Variants in SGCZ observed in about 807,000 individuals in gnomAD.
SGCZ encodes zeta-sarcoglycan.
In SGCZ, 40 loss-of-function variants were observed where a neutral mutation model predicts 41.3. The observed-to-expected ratio is 0.97, with a 90% CI of 0.75 to 1.26. The LOEUF (loss-of-function observed/expected upper bound fraction) is 1.26, where lower values mean the gene tolerates loss of function less well. Among genes scored for constraint, SGCZ ranks in the 50% most tolerant of loss-of-function variants. The probability of loss-of-function intolerance (pLI) is 0.00; values close to 1 mark genes in which losing one functional copy is unlikely to be tolerated. For missense variants in SGCZ, 552 were observed against 369.8 expected, an observed-to-expected ratio of 1.49 and a Z score of -4.04; for synonymous variants, 206 against 137.5, an observed-to-expected ratio of 1.50 and a Z score of -3.49.
At position 14,175,124 on chromosome 8, in the gene SGCZ, A is replaced by G. The variant is rs139162460; in HGVS notation, c.425-10422T>C. 4.4e-3 allele frequency among the ~76,000 whole-genome samples: 673 copies of G among 152,240 alleles called. 12 individuals are homozygous for G. Among genetic ancestry groups the G allele is most frequent in the Non-Finnish European group, 2.3e-3 (155 of 67,998 alleles). The stretch of plus-strand genomic sequence containing the variant: ...GAGGGGCATATCATTCAACCTATAA[A>G]ATGTGTCTTCAATGCCCTAGAAGAA... On this transcript the variant is annotated intron_variant, in intron 4 of 7. Transcript: ENST00000382080.
At chr8:14,686,594 T>C (rs960904193) in intron 1 of SGCZ, among the ~76,000 whole-genome samples, 2 of 152,060 alleles carry the variant, frequency 1.3e-5, no homozygotes, top group African/African-American at 4.8e-5. Flanking sequence ...GGTTTTCAGC[T>C]TCTGGAGATC....
intron 1 of SGCZ, among the ~76,000 whole-genome samples, chr8:14,846,976 G>A (rs565652594): frequency 1.3e-5 from 2 of 152,178 alleles, no homozygotes; most frequent in East Asian, 3.9e-4. Flanking sequence ...GGAGGCTGAG[G>A]CAGGAGAATT....
chr8:14,226,113 T>A (rs4480121), intron 4 of SGCZ, among the ~76,000 whole-genome samples: 5 of 151,696 alleles, frequency 3.3e-5, no homozygotes, highest in African/African-American at 1.2e-4. Context: ...GCATACAGGA[T>A]AAATTCCCCA....
At chr8:14,713,524 T>C (rs987435074) in intron 1 of SGCZ, among the ~76,000 whole-genome samples, 1 of 152,134 alleles carries the variant, frequency 6.6e-6, no homozygotes, top group Non-Finnish European at 1.5e-5. Flanking sequence ...ACTTTACACG[T>C]GTTGCTAAAT....
intron 3 of SGCZ, among the ~76,000 whole-genome samples, chr8:14,250,575 C>T (rs1197126008): frequency 1.3e-5 from 2 of 152,158 alleles, no homozygotes; most frequent in Admixed American, 1.3e-4. Context: ...TGGAACCACA[C>T]ATGAAAAGAA....
chr8:14,391,159 T>C (rs1480158662), intron 2 of SGCZ, among the ~76,000 whole-genome samples: 2 of 152,132 alleles, frequency 1.3e-5, no homozygotes, highest in East Asian at 3.9e-4. Context: ...GAAAATGGAT[T>C]GATGTAATGC....
intron 4 of SGCZ, among the ~76,000 whole-genome samples, chr8:14,186,765 T>A (rs1804915947): frequency 6.6e-6 from 1 of 152,206 alleles, no homozygotes; most frequent in South Asian, 2.1e-4. Flanking sequence ...AAGTACTTTA[T>A]AAAATAATGT....
chr8:14,569,977 A>G (rs894664272), intron 1 of SGCZ, among the ~76,000 whole-genome samples: 1 of 150,926 alleles, frequency 6.6e-6, no homozygotes, highest in Admixed American at 6.6e-5. Context: ...CAGCCCTACC[A>G]TGACAACTTC....
chr8:14,540,177 T>G (rs144173735), intron 2 of SGCZ, among the ~76,000 whole-genome samples: 1 of 151,462 alleles, frequency 6.6e-6, no homozygotes, highest in African/African-American at 2.4e-5. Flanking sequence ...AGATTGGTGC[T>G]ATATTTTTAC....
rs1372063466 is a variant in SGCZ, at chr8:14,087,636, A to G, written c.*2807T>C. Among the ~76,000 whole-genome samples, 1 of 151,692 alleles carries G rather than the reference A, an allele frequency of 6.6e-6. No homozygotes were observed. Among genetic ancestry groups the G allele is most frequent in the Non-Finnish European group, 1.5e-5 (1 of 67,770 alleles). The stretch of plus-strand genomic sequence containing the variant: ...TATAAGTAAACTGCATTTTATTTAT[A>G]CATATTGTAACATAAAGATGGTACT... On this transcript the variant is annotated 3_prime_UTR_variant, in exon 8 of 8. Coordinates refer to ENST00000382080, the MANE Select transcript of SGCZ (RefSeq NM_139167.4).
chr8:14,749,896 T>A (rs1799448710), intron 1 of SGCZ, among the ~76,000 whole-genome samples: 1 of 152,042 alleles, frequency 6.6e-6, no homozygotes, highest in South Asian at 2.1e-4. Context: ...AATGTCAAAC[T>A]GAAAGAATAT....
At chr8:14,850,773 A>T (rs909557109) in intron 1 of SGCZ, among the ~76,000 whole-genome samples, 1 of 152,112 alleles carries the variant, frequency 6.6e-6, no homozygotes, top group Non-Finnish European at 1.5e-5. Flanking sequence ...CGCTGTTCTC[A>T]TGATAGTGAG....
intron 1 of SGCZ, among the ~76,000 whole-genome samples, chr8:14,974,285 G>T (rs561337595): frequency 6.6e-6 from 1 of 152,202 alleles, no homozygotes; most frequent in East Asian, 1.9e-4. Context: ...AAATTCTATT[G>T]TATATAGTAT....
At chr8:14,789,755 T>C (rs1016174573) in intron 1 of SGCZ, among the ~76,000 whole-genome samples, 1 of 152,144 alleles carries the variant, frequency 6.6e-6, no homozygotes, top group Non-Finnish European at 1.5e-5. Flanking sequence ...TCTTTTATTG[T>C]TCTGACTAGA....
At chr8:14,827,665 C>A (rs1212866207) in intron 1 of SGCZ, among the ~76,000 whole-genome samples, 1 of 152,248 alleles carries the variant, frequency 6.6e-6, no homozygotes, top group Middle Eastern at 3.4e-3. Context: ...ACACTGTGTG[C>A]CCTGCAGAGC....
chr8:15,065,588 G>A (rs1042248615), intron 1 of SGCZ, among the ~76,000 whole-genome samples: 2 of 151,800 alleles, frequency 1.3e-5, no homozygotes, highest in Admixed American at 6.6e-5. Context: ...GGGAGTACAG[G>A]GGTGCACCCA....
intron 1 of SGCZ, among the ~76,000 whole-genome samples, chr8:14,762,297 C>A (rs957187990): frequency 3.9e-5 from 6 of 152,162 alleles, no homozygotes; most frequent in Admixed American, 3.9e-4. Context: ...ACAGTAAAAT[C>A]TACAGAGTAG....
At position 15,192,640 on chromosome 8, in the gene SGCZ, C is replaced by G. The variant is rs80278162; in HGVS notation, c.39+44945G>C. ...TTACTGGCATCAATGCCAAACTCAT[C>G]AACAGATCCCATATGCCATGCATAA... On this transcript the variant is annotated intron_variant, in intron 1 of 7. Transcript: ENST00000382080. 5.9e-3 allele frequency among the ~76,000 whole-genome samples: 901 copies of G among 152,192 alleles called. 21 individuals are homozygous for G. Among genetic ancestry groups the G allele is most frequent in the African/African-American group, 0.02 (850 of 41,480 alleles).
At chr8:14,675,910 G>A (rs1304908597) in intron 1 of SGCZ, among the ~76,000 whole-genome samples, 2 of 152,180 alleles carry the variant, frequency 1.3e-5, no homozygotes, top group Non-Finnish European at 2.9e-5. Context: ...TCAGAGGTCA[G>A]GGAGGCTAAG....
Sources: allele counts gnomAD v4.1 joint callset (sites outside exome capture counted in the v4.1 genomes callset), GRCh38; gene constraint gnomAD v4.1.1; transcripts MANE v1.5; gene names NCBI Gene and HGNC (gene_info 2026-07-23, HGNC 2026-07-21).